Variants in ELMO1 observed in about 807,000 individuals in gnomAD.
ELMO1 encodes the protein engulfment and cell motility protein 1.
A neutral mutation model predicts 98.9 loss-of-function variants in ELMO1; 26 were observed. That is an observed-to-expected ratio of 0.26 (90% CI 0.19 to 0.36). The LOEUF (loss-of-function observed/expected upper bound fraction) is 0.36, where lower values mean the gene tolerates loss of function less well. ELMO1 is among the 10% of genes least tolerant of loss of function. The pLI, the probability that ELMO1 is intolerant of heterozygous loss-of-function variation, is 1.00. For missense variants in ELMO1, 627 were observed against 935.2 expected, an observed-to-expected ratio of 0.67 and a Z score of 4.30; for synonymous variants, 346 against 346.0, an observed-to-expected ratio of 1.00 and a Z score of 0.00.
At chr7:37,199,081 C>A (rs1038438258) in intron 13 of ELMO1, among the ~76,000 whole-genome samples, 2 of 152,184 alleles carry the variant, frequency 1.3e-5, no homozygotes, top group African/African-American at 4.8e-5. Context: ...CCTAACTGCC[C>A]ACAAATGTCC....
chr7:36,943,828 C>T (rs773285080), intron 16 of ELMO1, among the ~76,000 whole-genome samples: 17 of 152,294 alleles, frequency 1.1e-4, no homozygotes, highest in Non-Finnish European at 1.9e-4. Flanking sequence ...TCTTTTTCCT[C>T]GAGAGCTCCC....
intron 1 of ELMO1, among the ~76,000 whole-genome samples, chr7:37,433,265 T>A (rs888673600): frequency 1.3e-5 from 2 of 152,196 alleles, no homozygotes; most frequent in Admixed American, 1.3e-4. Context: ...TCTGCAGACA[T>A]ACACTGAGTA....
intron 2 of ELMO1, among the ~76,000 whole-genome samples, chr7:37,341,354 T>C (rs770882990): frequency 6.6e-6 from 1 of 152,198 alleles, no homozygotes; most frequent in Non-Finnish European, 1.5e-5. Flanking sequence ...AACATTTTCT[T>C]AAGGTAAATT....
At chr7:36,984,963 C>G (rs1017630816) in intron 16 of ELMO1, 17 of 985,388 alleles carry the variant, frequency 1.7e-5, no homozygotes, top group Non-Finnish European at 2.0e-5. Flanking sequence ...GAATCCTGCT[C>G]GGTGCTTGGG....
Position 37,130,309 on chromosome 7 carries a change from G to A in ELMO1, c.1191+2821C>T, listed in dbSNP as rs7788782. On this transcript the variant is annotated intron_variant, in intron 14 of 21. Transcript: ENST00000310758. ...GAGGAATCCCCATCCTTTGGCTCAT[G>A]GCTGGGCATTTGATGGTTACTTAGG... 8.9e-3 allele frequency among the ~76,000 whole-genome samples: 1,356 copies of A among 152,258 alleles called. 17 individuals are homozygous for A. Among genetic ancestry groups the A allele is most frequent in the African/African-American group, 0.031 (1,283 of 41,534 alleles).
At chr7:36,918,071 G>T (rs921408164) in intron 16 of ELMO1, among the ~76,000 whole-genome samples, 1 of 152,112 alleles carries the variant, frequency 6.6e-6, no homozygotes, top group Non-Finnish European at 1.5e-5. Flanking sequence ...TTTAGTTCTA[G>T]CATATTAGGT....
intron 13 of ELMO1, among the ~76,000 whole-genome samples, chr7:37,168,992 A>G (rs4523151): frequency 6.6e-6 from 1 of 152,042 alleles, no homozygotes; most frequent in African/African-American, 2.4e-5. Context: ...GTGGGCTCCA[A>G]CCAGTTCGAG....
rs183245053 is a variant in ELMO1, at chr7:37,344,383, T to C, written c.-73-1620A>G. 1.4e-3 allele frequency among the ~76,000 whole-genome samples: 219 copies of C among 152,276 alleles called. 1 individual carries two copies. Among genetic ancestry groups the C allele is most frequent in the Non-Finnish European group, 2.5e-3 (168 of 68,018 alleles). On this transcript the variant is annotated intron_variant, in intron 1 of 21. Transcript: ENST00000310758. ...TTAGTATATTTTCTAAATCCTTCTA[T>C]GTTAGTACAAAGAGAGCATCTTGAT...
intron 14 of ELMO1, among the ~76,000 whole-genome samples, chr7:37,130,055 T>C (rs1038008749): frequency 6.6e-6 from 1 of 152,190 alleles, no homozygotes. Context: ...TCAACAGTTC[T>C]GAGCCTAGAT....
chr7:36,875,730 A>G (rs1009778290), intron 19 of ELMO1, among the ~76,000 whole-genome samples: 8 of 152,072 alleles, frequency 5.3e-5, no homozygotes, highest in Non-Finnish European at 1.5e-5. Context: ...TTCACCCTGG[A>G]GTCTTGGGGG....
intron 16 of ELMO1, among the ~76,000 whole-genome samples, chr7:36,920,955 G>A (rs566315208): frequency 8.5e-5 from 13 of 152,272 alleles, no homozygotes; most frequent in African/African-American, 2.6e-4. Flanking sequence ...ATATTAAGAG[G>A]TGGAGCCTTT....
intron 16 of ELMO1, among the ~76,000 whole-genome samples, chr7:36,917,022 G>A (rs1784738921): frequency 6.6e-6 from 1 of 152,228 alleles, no homozygotes; most frequent in South Asian, 2.1e-4. Flanking sequence ...GGAAAATTCA[G>A]TGAAATCTGA....
chr7:37,171,706 A>C (rs1790179294), intron 13 of ELMO1, among the ~76,000 whole-genome samples: 1 of 151,678 alleles, frequency 6.6e-6, no homozygotes, highest in African/African-American at 2.4e-5. Flanking sequence ...GTTAGCCAGG[A>C]TGGTCTCGAT....
intron 13 of ELMO1, among the ~76,000 whole-genome samples, chr7:37,163,450 G>A (rs569194493): frequency 6.6e-6 from 1 of 151,530 alleles, no homozygotes; most frequent in Non-Finnish European, 1.5e-5. Context: ...CCACTAACTC[G>A]TCATCTAGCA....
At chr7:37,204,121 G>A (rs1394354956) in intron 13 of ELMO1, 1 of 456,378 alleles carries the variant, frequency 2.2e-6, no homozygotes, top group East Asian at 6.9e-5. Flanking sequence ...TTTGGCAATA[G>A]GCATTAGTCT....
chr7:37,179,422 G>A (rs1336029173), intron 13 of ELMO1, among the ~76,000 whole-genome samples: 1 of 151,634 alleles, frequency 6.6e-6, no homozygotes, highest in African/African-American at 2.4e-5. Flanking sequence ...TGATTACAGG[G>A]GCCCGCCACC....
chr7:37,161,905 A>AATATATATATAT (rs6150082), intron 13 of ELMO1, among the ~76,000 whole-genome samples: 797 of 42,348 alleles, frequency 0.019, 77 homozygotes, highest in African/African-American at 0.037. Context: ...CAGGTAATCA[A>AATATATATATAT]ATATATATAT....
chr7:37,267,415 C>G (rs2130833783), intron 5 of ELMO1, among the ~76,000 whole-genome samples: 1 of 152,326 alleles, frequency 6.6e-6, no homozygotes, highest in African/African-American at 2.4e-5. Context: ...TCACTAAAAA[C>G]AATGATGCAT....
chr7:37,034,470 T>C (rs1795066566), intron 15 of ELMO1, among the ~76,000 whole-genome samples: 1 of 152,136 alleles, frequency 6.6e-6, no homozygotes, highest in Non-Finnish European at 1.5e-5. Context: ...ACATGGAAGT[T>C]AGGGGAACCA....
Sources: gnomAD v4.1 joint callset for allele counts (sites outside exome capture counted in the v4.1 genomes callset) on GRCh38, gnomAD v4.1.1 for gene constraint, MANE v1.5 for transcripts, NCBI Gene and HGNC (gene_info 2026-07-23, HGNC 2026-07-21) for gene names.